LINGO2: variants seen among roughly 807,000 people sequenced by gnomAD.
LINGO2 encodes leucine-rich repeat and immunoglobulin-like domain-containing nogo receptor-interacting protein 2.
A neutral mutation model predicts 30.6 loss-of-function variants in LINGO2; 14 were observed. The observed-to-expected ratio is 0.46, with a 90% CI of 0.30 to 0.72. LINGO2 has a LOEUF of 0.72. Ranked by LOEUF, LINGO2 falls within the 30% of genes least tolerant of loss-of-function variation. LINGO2 has a pLI of 0.07. For synonymous variants in LINGO2, 317 were observed against 288.5 expected, an observed-to-expected ratio of 1.10 and a Z score of -1.00; for missense variants, 729 against 751.7, an observed-to-expected ratio of 0.97 and a Z score of 0.35.
intron 4 of LINGO2, among the ~76,000 whole-genome samples, chr9:28,016,972 T>C (rs996495672): frequency 1.2e-4 from 19 of 152,094 alleles, no homozygotes; most frequent in Non-Finnish European, 2.1e-4. Flanking sequence ...ACCTGCAGCA[T>C]ATAAAACAGC....
chr9:28,021,451 G>A (rs939042688), intron 4 of LINGO2, among the ~76,000 whole-genome samples: 1 of 152,144 alleles, frequency 6.6e-6, no homozygotes, highest in Non-Finnish European at 1.5e-5. Context: ...AGTATCAGAA[G>A]AATGTATATT....
chr9:28,361,773 T>G (rs578183779), intron 3 of LINGO2, among the ~76,000 whole-genome samples: 1 of 152,322 alleles, frequency 6.6e-6, no homozygotes, highest in South Asian at 2.1e-4. Context: ...TTTCATTTCA[T>G]TTACTTTTTA....
chr9:29,172,856 T>C, the LINGO2 span, among the ~76,000 whole-genome samples: 3 of 152,048 alleles, frequency 2.0e-5, no homozygotes, highest in Non-Finnish European at 2.9e-5. Flanking sequence ...TCTGCTGACA[T>C]GTACAGCCTT....
rs577495925 is a variant in LINGO2, at chr9:28,021,791, C to A, written c.-86-9386G>T. On this transcript the variant is annotated intron_variant, in intron 4 of 5. Coordinates refer to ENST00000379992, the Ensembl canonical transcript of LINGO2. The stretch of plus-strand genomic sequence containing the variant: ...GAAGTCAGTTTCGTTTAATACACTA[C>A]TTCTGTTTCTTTTGATTAGTAGGAG... Among the ~76,000 whole-genome samples the A allele has an allele frequency of 5.0e-3, 757 of 152,196 alleles. 7 individuals carry two copies. Among genetic ancestry groups the A allele is most frequent in the Non-Finnish European group, 7.9e-3 (539 of 67,956 alleles).
the LINGO2 span, among the ~76,000 whole-genome samples, chr9:28,868,397 G>A: frequency 6.6e-6 from 1 of 152,030 alleles, no homozygotes; most frequent in African/African-American, 2.4e-5. Context: ...TAGTGAGTGA[G>A]TGAGTGAGCA....
chr9:28,534,629 A>G (rs1003031947), intron 1 of LINGO2, among the ~76,000 whole-genome samples: 13 of 152,118 alleles, frequency 8.5e-5, no homozygotes, highest in African/African-American at 3.1e-4. Context: ...AGTGCTGCTT[A>G]CTTATTATAA....
intron 2 of LINGO2, among the ~76,000 whole-genome samples, chr9:28,405,903 C>A (rs1822491885): frequency 6.6e-6 from 1 of 151,992 alleles, no homozygotes; most frequent in South Asian, 2.1e-4. Context: ...TTACCTCATT[C>A]CTTTATTCAT....
the LINGO2 span, among the ~76,000 whole-genome samples, chr9:28,835,099 G>A: frequency 6.6e-6 from 1 of 152,190 alleles, no homozygotes; most frequent in Non-Finnish European, 1.5e-5. Context: ...GAGGAAGGAG[G>A]TGCTGAGAAT....
intron 4 of LINGO2, among the ~76,000 whole-genome samples, chr9:28,075,541 C>T (rs976754568): frequency 2.0e-5 from 3 of 151,890 alleles, no homozygotes; most frequent in African/African-American, 7.2e-5. Flanking sequence ...TGCATGTTCT[C>T]GTTTCTCCAC....
the LINGO2 span, among the ~76,000 whole-genome samples, chr9:29,210,931 C>A: frequency 1.3e-5 from 2 of 152,090 alleles, no homozygotes; most frequent in Non-Finnish European, 2.9e-5. Context: ...GGTGACAGAA[C>A]CCTAAAGAAC....
chr9:28,785,451 T>C, the LINGO2 span, among the ~76,000 whole-genome samples: 8 of 152,226 alleles, frequency 5.3e-5, no homozygotes, highest in East Asian at 5.8e-4. Flanking sequence ...TCACTCTCTA[T>C]AATATCACAC....
chr9:28,465,277 T>A (rs894104131), intron 2 of LINGO2, among the ~76,000 whole-genome samples: 1 of 152,132 alleles, frequency 6.6e-6, no homozygotes, highest in Non-Finnish European at 1.5e-5. Flanking sequence ...TGGAAGTGGC[T>A]CTCAGTAGGA....
chr9:28,557,316 C>T (rs996287592), intron 1 of LINGO2, among the ~76,000 whole-genome samples: 2 of 151,952 alleles, frequency 1.3e-5, no homozygotes, highest in South Asian at 2.1e-4. Context: ...AACAAACAAC[C>T]CCATCAAAAA....
At chr9:28,753,513 T>C in the LINGO2 span, among the ~76,000 whole-genome samples, 1 of 151,996 alleles carries the variant, frequency 6.6e-6, no homozygotes, top group Non-Finnish European at 1.5e-5. Flanking sequence ...TCCACGGCAA[T>C]TAAGCCTGAG....
chr9:29,002,035 T>C, the LINGO2 span, among the ~76,000 whole-genome samples: 566 of 152,160 alleles, frequency 3.7e-3, 2 homozygotes, highest in African/African-American at 0.013. Flanking sequence ...TTCTTATTTC[T>C]ACAAGTACTT....
intron 3 of LINGO2, among the ~76,000 whole-genome samples, chr9:28,357,659 A>T (rs73433336): frequency 0.045 from 6,807 of 152,182 alleles, 229 homozygotes; most frequent in East Asian, 0.085. Context: ...AAAAGCAGAA[A>T]TGTAGTAAAT....
At chr9:28,868,988 C>G in the LINGO2 span, among the ~76,000 whole-genome samples, 1 of 151,974 alleles carries the variant, frequency 6.6e-6, no homozygotes, top group Non-Finnish European at 1.5e-5. Flanking sequence ...AACAAATTTC[C>G]AGGCCTGCTT....
the LINGO2 span, among the ~76,000 whole-genome samples, chr9:28,894,567 T>A: frequency 6.6e-6 from 1 of 151,930 alleles, no homozygotes; most frequent in East Asian, 1.9e-4. Flanking sequence ...ATTTTTTACT[T>A]TTAGATATTT....
intron 1 of LINGO2, among the ~76,000 whole-genome samples, chr9:28,533,396 T>G (rs1821310350): frequency 6.6e-6 from 1 of 152,112 alleles, no homozygotes. Flanking sequence ...GGACTTCACC[T>G]TGTGATCCTG....
Sources: allele counts gnomAD v4.1 joint callset (sites outside exome capture counted in the v4.1 genomes callset), GRCh38; gene constraint gnomAD v4.1.1; transcripts MANE v1.5; gene names NCBI Gene and HGNC (gene_info 2026-07-23, HGNC 2026-07-21).